Variants in BCKDHB observed in about 807,000 individuals in gnomAD.
BCKDHB encodes the protein 2-oxoisovalerate dehydrogenase subunit beta, mitochondrial.
Under a neutral mutation model 48.5 loss-of-function variants are expected in BCKDHB, and 41 were observed. The observed-to-expected ratio is 0.85, with a 90% CI of 0.66 to 1.10. The LOEUF (loss-of-function observed/expected upper bound fraction) is 1.10, where lower values mean the gene tolerates loss of function less well. Ranked by LOEUF, BCKDHB falls within the 50% of genes least tolerant of loss-of-function variation. The pLI, the probability that BCKDHB is intolerant of heterozygous loss-of-function variation, is 0.00. For synonymous variants in BCKDHB, 201 were observed against 174.8 expected (o/e 1.15, Z -1.18); for missense variants, 496 against 494.2 (o/e 1.00, Z -0.03).
intron 8 of BCKDHB, among the ~76,000 whole-genome samples, chr6:80,228,801 G>A (rs1272372734): frequency 6.6e-6 from 1 of 152,192 alleles, no homozygotes; most frequent in Non-Finnish European, 1.5e-5. Context: ...CTTGTCACCA[G>A]CCTGGGCTCT....
intron 6 of BCKDHB, among the ~76,000 whole-genome samples, chr6:80,189,000 A>G (rs902128457): frequency 6.6e-6 from 1 of 152,120 alleles, no homozygotes; most frequent in African/African-American, 2.4e-5. Context: ...ATATTCTAAC[A>G]TATTTGGGAG....
chr6:80,171,062 C>T (rs530641608), intron 5 of BCKDHB, among the ~76,000 whole-genome samples: 105 of 151,946 alleles, frequency 6.9e-4, no homozygotes, highest in Non-Finnish European at 1.3e-3. Flanking sequence ...TCTTAGTTAA[C>T]AGAACATGGT....
At chr6:80,430,646 C>T in the BCKDHB span, among the ~76,000 whole-genome samples, 7 of 152,182 alleles carry the variant, frequency 4.6e-5, no homozygotes, top group Admixed American at 4.6e-4. Context: ...GTTTGTATTG[C>T]TGTGGGATCA....
intron 8 of BCKDHB, among the ~76,000 whole-genome samples, chr6:80,244,892 C>G (rs1267363027): frequency 6.6e-6 from 1 of 152,164 alleles, no homozygotes; most frequent in African/African-American, 2.4e-5. Context: ...AAGGCAGTAT[C>G]TGGAAGACAG....
At chr6:80,409,654 AT>A in the BCKDHB span, among the ~76,000 whole-genome samples, 1 of 119,684 alleles carries the variant, frequency 8.4e-6, no homozygotes, top group Non-Finnish European at 1.7e-5. Flanking sequence ...TTCTTGTTGA[AT>A]TGCTTCCTTT....
intron 9 of BCKDHB, among the ~76,000 whole-genome samples, chr6:80,315,686 A>C (rs192190175): frequency 7.9e-5 from 12 of 151,928 alleles, no homozygotes; most frequent in Admixed American, 7.9e-4. Context: ...TGGCACAATC[A>C]TAGTTCACTG....
In BCKDHB at chr6:80,320,247, T is replaced by A. The variant is rs1222584784; in HGVS notation, c.1039-23417T>A. 2.6e-5 allele frequency among the ~76,000 whole-genome samples: 4 copies of A among 152,298 alleles called. No individual in the cohort carries two copies. In the East Asian group the frequency reaches 5.8e-4, roughly 22 times the overall value. ...TAATGTACATAGACAAATATCTTTT[T>A]AAAAAAATTTTTGTGTTCCACAGAC... On this transcript the variant is annotated intron_variant, in intron 9 of 9. Transcript: ENST00000320393.
intron 8 of BCKDHB, among the ~76,000 whole-genome samples, chr6:80,210,779 C>G (rs1228438423): frequency 6.6e-6 from 1 of 152,116 alleles, no homozygotes; most frequent in African/African-American, 2.4e-5. Flanking sequence ...AGCTGTCATG[C>G]TGATGTGAAA....
chr6:80,125,611 T>A (rs1770302733), intron 1 of BCKDHB, among the ~76,000 whole-genome samples: 1 of 152,260 alleles, frequency 6.6e-6, no homozygotes. Flanking sequence ...AACTTAGAGA[T>A]CACTGTAGGT....
At chr6:80,317,586 C>A in intron 9 of BCKDHB, among the ~76,000 whole-genome samples, 1 of 152,200 alleles carries the variant, frequency 6.6e-6, no homozygotes, top group East Asian at 1.9e-4. Flanking sequence ...TTGGGCCCAT[C>A]TGGGTAATCC....
At position 80,126,281 on chromosome 6, in the gene BCKDHB, C is replaced by G. The variant is rs544303396; in HGVS notation, c.197-1266C>G. ...ACATTAGATGCCAGAGTAGGCAGAA[C>G]GTCAGAAGTCTGGAGTATCGGTGGA... On this transcript the variant is annotated intron_variant, in intron 1 of 9. Coordinates refer to ENST00000320393, the MANE Select transcript of BCKDHB (RefSeq NM_183050.4). Among the ~76,000 whole-genome samples, 5 of 151,976 alleles carry G rather than the reference C, an allele frequency of 3.3e-5. No homozygotes were observed. The South Asian group carries it at 6.2e-4, about 19-fold the overall frequency.
intron 3 of BCKDHB, among the ~76,000 whole-genome samples, chr6:80,146,626 G>A (rs915266280): frequency 3.9e-5 from 6 of 152,170 alleles, no homozygotes; most frequent in Admixed American, 3.9e-4. Flanking sequence ...AGAATCTGGA[G>A]TGAGCAGTGG....
chr6:80,299,924 CAA>C (rs1307396240), intron 9 of BCKDHB, among the ~76,000 whole-genome samples: 5 of 152,116 alleles, frequency 3.3e-5, no homozygotes, highest in Non-Finnish European at 7.3e-5. Context: ...GATATAAAGA[CAA>C]GACGAAAGCA....
At chr6:80,216,441 T>C (rs1432738523) in intron 8 of BCKDHB, among the ~76,000 whole-genome samples, 1 of 152,224 alleles carries the variant, frequency 6.6e-6, no homozygotes, top group Non-Finnish European at 1.5e-5. Flanking sequence ...CATATTTTCT[T>C]TCATTTAGCA....
intron 8 of BCKDHB, among the ~76,000 whole-genome samples, chr6:80,250,854 C>T (rs1333529074): frequency 6.6e-6 from 1 of 152,172 alleles, no homozygotes; most frequent in Non-Finnish European, 1.5e-5. Context: ...CCTAACCCCA[C>T]ATCTGTGAAG....
At chr6:80,412,209 T>A in the BCKDHB span, among the ~76,000 whole-genome samples, 517 of 148,048 alleles carry the variant, frequency 3.5e-3, 6 homozygotes, top group African/African-American at 0.012. Context: ...AATGGCACAA[T>A]CTCAGCTCAC....
chr6:80,335,066 G>C (rs1769503316), intron 9 of BCKDHB, among the ~76,000 whole-genome samples: 1 of 151,786 alleles, frequency 6.6e-6, no homozygotes, highest in Admixed American at 6.6e-5. Flanking sequence ...ACAGTAACAA[G>C]TTTTAGGAGA....
intron 9 of BCKDHB, among the ~76,000 whole-genome samples, chr6:80,293,926 C>G (rs1157902055): frequency 6.6e-6 from 1 of 152,190 alleles, no homozygotes; most frequent in Non-Finnish European, 1.5e-5. Context: ...AGTTCTTCAT[C>G]TCTATCTGAG....
At chr6:80,454,214 AAGCAG>A in the BCKDHB span, 1 of 152,304 alleles carries the variant, frequency 6.6e-6, no homozygotes, top group East Asian at 1.9e-4. Flanking sequence ...TAATTTTGAG[AAGCAG>A]AGCTACAGGT....
Sources: allele counts gnomAD v4.1 joint callset (sites outside exome capture counted in the v4.1 genomes callset), GRCh38; gene constraint gnomAD v4.1.1; transcripts MANE v1.5; gene names NCBI Gene and HGNC (gene_info 2026-07-23, HGNC 2026-07-21).